Variants in SARM1 observed in about 807,000 individuals in gnomAD.
SARM1 encodes sterile alpha and TIR motif containing 1.
In SARM1, 60 loss-of-function variants were observed where a neutral mutation model predicts 65.1. The ratio of observed to expected loss-of-function variants is 0.92; its 90% CI spans 0.75 to 1.14. The LOEUF (loss-of-function observed/expected upper bound fraction) is 1.14. Among genes scored for constraint, SARM1 ranks in the 50% most tolerant of loss-of-function variants. The pLI is 0.00. For missense variants in SARM1, 913 were observed against 1,015.7 expected (o/e 0.90, Z 1.37); for synonymous variants, 417 against 465.4 (o/e 0.90, Z 1.34).
chr17:28,396,263 G>T lies in SARM1; in HGVS notation c.2152G>T (p.Ala718Ser). The change falls in exon 9 of 9, where the codon GCT becomes TCT. Residue 718 changes from alanine to serine, a missense_variant. By Grantham distance (99) the Ala-to-Ser change is moderately conservative. Around this residue, in one of 3 missense-constraint regions of SARM1, gnomAD observed 862 missense variants for 952.1 expected, o/e 0.91. Coordinates refer to ENST00000585482, the MANE Select transcript of SARM1 (RefSeq NM_015077.4). ...AGGCTCTGACACCAGTTTGGAGGGT[G>T]CTGCACCCATGGGTCCAACCTAACC... is the stretch of plus-strand genomic sequence containing the variant. ...SAGSDTSLEG[A>S]APMGPT 1 of 1,614,006 alleles carries T rather than the reference G, an allele frequency of 6.2e-7. No individual in the cohort carries two copies. Among genetic ancestry groups the T allele is most frequent in the Non-Finnish European group, 8.5e-7 (1 of 1,179,884 alleles).
At position 28,397,490 on chromosome 17, in the gene SARM1, C is replaced by T. The variant is rs2068141529; in HGVS notation, c.*1204C>T. ...ACCTGGTATTATCATCCCCATTTTACAGATAATGACACTGAGGCTCAGAAA... is the reference window on the plus strand; with the variant it reads ...ACCTGGTATTATCATCCCCATTTTATAGATAATGACACTGAGGCTCAGAAA... On this transcript the variant is annotated 3_prime_UTR_variant, in exon 9 of 9. Transcript: ENST00000585482. The T allele has an allele frequency of 6.6e-6, 1 of 152,236 alleles. No individual in the cohort carries two copies. Among genetic ancestry groups the T allele is most frequent in the East Asian group, 1.9e-4 (1 of 5,200 alleles). 9.4% of individuals were successfully genotyped at this position (152,236 alleles called of 1,614,324 possible).
intron 7 of SARM1, among the ~76,000 whole-genome samples, chr17:28,393,046 C>G (rs1259221366): frequency 6.6e-6 from 1 of 152,210 alleles, no homozygotes; most frequent in Non-Finnish European, 1.5e-5. Context: ...CTTAATGGAA[C>G]CCGATTACTA....
rs781884236 is a variant in SARM1 at position 28,384,587 on chromosome 17, A to G, written c.1302+18A>G. On this transcript the variant is annotated intron_variant, in intron 3 of 8. Coordinates refer to ENST00000585482, the MANE Select transcript of SARM1 (RefSeq NM_015077.4). The surrounding 1 kb of genome is among the most constrained non-coding windows in gnomAD (Gnocchi z 4.4). ...GCTTCCGGGTAGAGTCGCGTGGGATACGCCTCCCCCGAGTCAGAGCGGGCG... is the reference window on the plus strand; with the variant it reads ...GCTTCCGGGTAGAGTCGCGTGGGATGCGCCTCCCCCGAGTCAGAGCGGGCG... 2 of 1,572,400 alleles carry G rather than the reference A, an allele frequency of 1.3e-6. No individual in the cohort carries two copies. The highest frequency in any genetic ancestry group is 1.7e-6 in the Non-Finnish European group (2 of 1,158,588).
Position 28,385,413 on chromosome 17 carries a change from G to T in SARM1, c.1630+138G>T. ...ACAAACGTGGGTCACACTGGGCTCT[G>T]AGGATGTAAAGATGAATACGTTGCA... On this transcript the variant is annotated intron_variant, in intron 5 of 8. Transcript: ENST00000585482. This position sits in a 1 kb window ranked among gnomAD's most constrained non-coding sequence, Gnocchi z 4.5. 1 of 671,936 alleles carries T rather than the reference G, an allele frequency of 1.5e-6. No individual in the cohort carries two copies. The highest frequency in any genetic ancestry group is 2.5e-6 in the Non-Finnish European group (1 of 404,628). The allele number at this position is 671,936 out of a possible 1,614,324, so 41.6% of individuals were successfully genotyped here. A position where few individuals can be genotyped will look rare whatever the true frequency, so the allele number is the denominator to read the frequency against.
Position 28,396,275 on chromosome 17 carries a change from G to T in SARM1, c.2164G>T (p.Gly722Cys), listed in dbSNP as rs1372480719. The change falls in exon 9 of 9, where the codon GGT becomes TGT. Residue 722 changes from glycine to cysteine, a missense_variant. Around this residue, in one of 3 missense-constraint regions of SARM1, gnomAD observed 862 missense variants for 952.1 expected, o/e 0.91. Transcript: ENST00000585482. ...CAGTTTGGAGGGTGCTGCACCCATG[G>T]GTCCAACCTAACCAGTCCCCAGTTC... Reference protein sequence around the residue: ...DTSLEGAAPMGPT With the variant: ...DTSLEGAAPMCPT 1 of 1,613,792 alleles carries T rather than the reference G, an allele frequency of 6.2e-7. No homozygotes were observed. The highest frequency in any genetic ancestry group is 1.3e-5 in the African/African-American group (1 of 74,896).
rs7212814 is a variant in SARM1 at position 28,372,100 on chromosome 17, C to T, written c.68C>T (p.Pro23Leu). ...TTCTTCGCCATGTCGGGCCCACGGC[C>T]GGGCGCCGAGCGGCTGGCGGTGCCT... is the stretch of plus-strand genomic sequence containing the variant. ...CRFFAMSGPR[P>L]GAERLAVPGP... Residue 23 changes from proline to leucine, a missense_variant, in exon 1 of 9, where the codon CCG becomes CTG. By Grantham distance (98) the Pro-to-Leu change is moderately conservative. Transcript: ENST00000585482. The surrounding 1 kb of genome is among the most constrained non-coding windows in gnomAD (Gnocchi z 5.2). 4 of 1,482,628 alleles carry T rather than the reference C, an allele frequency of 2.7e-6. No individual in the cohort carries two copies. In the East Asian group the frequency reaches 8.8e-5, roughly 33 times the overall value. The allele number at this position is 1,482,628 out of a possible 1,614,324, so 91.8% of individuals were successfully genotyped here.
rs782141880 is a variant in SARM1 at position 28,384,374 on chromosome 17, C to T, written c.1107C>T (p.Gly369=). Residue 369 remains glycine (G), a synonymous_variant, in exon 3 of 9, where the codon GGC becomes GGT. Coordinates refer to ENST00000585482, the MANE Select transcript of SARM1 (RefSeq NM_015077.4). This position sits in a 1 kb window ranked among gnomAD's most constrained non-coding sequence, Gnocchi z 4.4. The stretch of plus-strand genomic sequence containing the variant: ...CTCCCTAGGTGTTCAGCGACATCGG[C>T]GCCATCCAGAGCCTGAAACGCCTGG... ...QGKTKVFSDI[G]AIQSLKRLVS... 1 of 1,597,236 alleles carries T rather than the reference C, an allele frequency of 6.3e-7. No individual in the cohort carries two copies. The highest frequency in any genetic ancestry group is 2.2e-5 in the East Asian group (1 of 44,710).
intron 1 of SARM1, chr17:28,373,700 G>C (rs1222426838): frequency 6.6e-6 from 1 of 152,156 alleles, no homozygotes; most frequent in Non-Finnish European, 1.5e-5. Context: ...AGGCTGGTAG[G>C]TGTGCCCTGC....
chr17:28,393,117 A>C (rs1299762335), intron 7 of SARM1, among the ~76,000 whole-genome samples: 1 of 152,246 alleles, frequency 6.6e-6, no homozygotes, highest in African/African-American at 2.4e-5. Context: ...TTTACAGAAG[A>C]GGAAATAATA....
At position 28,400,390 on chromosome 17, in the gene SARM1, G is replaced by A; in HGVS notation, c.*4104G>A. On this transcript the variant is annotated 3_prime_UTR_variant, in exon 9 of 9. Transcript: ENST00000585482. ...GAACACAGCCTTGCCAAGCAGCAATGTTAGCCTGATCCTTCCTCCACCTAG... is the reference window on the plus strand; with the variant it reads ...GAACACAGCCTTGCCAAGCAGCAATATTAGCCTGATCCTTCCTCCACCTAG... 1 of 565,258 alleles carries A rather than the reference G, an allele frequency of 1.8e-6. No individual in the cohort carries two copies. Among genetic ancestry groups the A allele is most frequent in the South Asian group, 2.1e-5 (1 of 48,684 alleles). The allele number at this position is 565,258 out of a possible 1,614,324, so 35.0% of individuals were successfully genotyped here.
At chr17:28,376,186 TA>T (rs2067988620) in intron 1 of SARM1, among the ~76,000 whole-genome samples, 1 of 152,042 alleles carries the variant, frequency 6.6e-6, no homozygotes, top group Admixed American at 6.6e-5. Context: ...AGACTCAAAA[TA>T]AAGTCCTAGG....
rs896100493 is a variant in SARM1, at chr17:28,396,426, A to T, written c.*140A>T. On this transcript the variant is annotated 3_prime_UTR_variant, in exon 9 of 9. Coordinates refer to ENST00000585482, the MANE Select transcript of SARM1 (RefSeq NM_015077.4). ...ATGGCTCTCCCTCCCCCTGTCCCCC[A>T]CCCTCATGGCCCACCTCCAACCCAC... 4 of 953,922 alleles carry T rather than the reference A, an allele frequency of 4.2e-6. No homozygotes were observed. The African/African-American group carries it at 6.6e-5, about 16-fold the overall frequency. 59.1% of individuals were successfully genotyped at this position (953,922 alleles called of 1,614,324 possible).
intron 7 of SARM1, among the ~76,000 whole-genome samples, chr17:28,393,423 C>T (rs927611604): frequency 2.0e-5 from 3 of 151,910 alleles, no homozygotes; most frequent in Non-Finnish European, 4.4e-5. Context: ...TGGTGGCACA[C>T]GCCTGTGGTC....
In SARM1 at chr17:28,395,493, G is replaced by A. The variant is rs2142442011; in HGVS notation, c.1924-412G>A. 1.7e-5 allele frequency: 3 copies of A among 175,326 alleles called. 1 individual carries two copies. The Middle Eastern group carries it at 8.2e-3, about 479-fold the overall frequency. The allele number at this position is 175,326 out of a possible 1,614,324, so 10.9% of individuals were successfully genotyped here. A position where few individuals can be genotyped will look rare whatever the true frequency, so the allele number is the denominator to read the frequency against. ...ATTAAATCATTGGCCATTGGTGATT[G>A]AACTCAATCTCCAGCACCTCTCTGG... On this transcript the variant is annotated intron_variant, in intron 7 of 8. Transcript: ENST00000585482.
intron 7 of SARM1, among the ~76,000 whole-genome samples, chr17:28,393,154 T>A (rs1477917679): frequency 2.6e-5 from 4 of 152,220 alleles, no homozygotes; most frequent in Non-Finnish European, 5.9e-5. Context: ...AAGCATACAC[T>A]GCATGCAAAG....
At chr17:28,391,784 G>A (rs1257044309) in intron 7 of SARM1, among the ~76,000 whole-genome samples, 2 of 145,354 alleles carry the variant, frequency 1.4e-5, no homozygotes, top group Non-Finnish European at 3.0e-5. Flanking sequence ...TTGAATCAAT[G>A]ATTAAGCAGA....
At chr17:28,387,072 AG>A (rs1430736811) in intron 5 of SARM1, among the ~76,000 whole-genome samples, 1 of 152,144 alleles carries the variant, frequency 6.6e-6, no homozygotes, top group Non-Finnish European at 1.5e-5. Context: ...GGAAAATCCT[AG>A]GGCAAAAATA....
Position 28,381,240 on chromosome 17 carries a change from A to C in SARM1, c.508A>C (p.Asn170His), listed in dbSNP as rs1555585163. ...VARIGLGVIL[N>H]LAKEREPVEL... is the part of the protein sequence containing the mutation. ...GCGCATTGGGCTGGGCGTGATCCTG[A>C]ACCTGGCGAAGGAACGCGAACCCGT... The change falls in exon 2 of 9, where the codon AAC becomes CAC. Residue 170 changes from asparagine to histidine, a missense_variant. This residue lies in a region of SARM1 where 862 missense variants were observed against 952.1 expected (regional missense o/e 0.91). Coordinates refer to ENST00000585482, the MANE Select transcript of SARM1 (RefSeq NM_015077.4). 1 of 1,611,046 alleles carries C rather than the reference A, an allele frequency of 6.2e-7. No homozygotes were observed.
At position 28,384,974 on chromosome 17, in the gene SARM1, A is replaced by C; in HGVS notation, c.1394+44A>C. 1 of 1,593,560 alleles carries C rather than the reference A, an allele frequency of 6.3e-7. No individual in the cohort carries two copies. Among genetic ancestry groups the C allele is most frequent in the Non-Finnish European group, 8.6e-7 (1 of 1,169,350 alleles). On this transcript the variant is annotated intron_variant, in intron 4 of 8. Transcript: ENST00000585482. This position sits in a 1 kb window ranked among gnomAD's most constrained non-coding sequence, Gnocchi z 4.4. ...GCCGGACCCCAGCTAGGTCTAAATA[A>C]GCTCCCCCTCCGCCCACAGCCCGTC...
Sources: allele counts gnomAD v4.1 joint callset (sites outside exome capture counted in the v4.1 genomes callset), GRCh38; gene constraint gnomAD v4.1.1; regional missense constraint gnomAD v4.1.1; non-coding constraint Gnocchi (gnomAD v3.1); transcripts MANE v1.5; gene names NCBI Gene and HGNC (gene_info 2026-07-23, HGNC 2026-07-21).